The following ADAM9 variants were observed in gnomAD, a reference collection of about 807,000 sequenced individuals.
ADAM9 encodes disintegrin and metalloproteinase domain-containing protein 9.
In ADAM9, 54 loss-of-function variants were observed where a neutral mutation model predicts 108.1. The observed-to-expected ratio is 0.50, with a 90% CI of 0.40 to 0.63. The LOEUF (loss-of-function observed/expected upper bound fraction) is 0.63, where lower values mean the gene tolerates loss of function less well. Among genes scored for constraint, ADAM9 ranks in the 20% least tolerant of loss-of-function variants. The pLI is 0.00. For synonymous variants in ADAM9, 316 were observed against 336.0 expected (o/e 0.94, Z 0.65); for missense variants, 830 against 997.7 (o/e 0.83, Z 2.26).
At chr8:39,065,906 C>G (rs1838453746) in intron 14 of ADAM9, among the ~76,000 whole-genome samples, 1 of 152,104 alleles carries the variant, frequency 6.6e-6, no homozygotes, top group African/African-American at 2.4e-5. Flanking sequence ...TCCCACTCCC[C>G]CCACCCCATG....
At chr8:39,038,491 T>G (rs1282371353) in intron 11 of ADAM9, among the ~76,000 whole-genome samples, 2 of 152,190 alleles carry the variant, frequency 1.3e-5, no homozygotes. Flanking sequence ...CATCCCTTCC[T>G]CTGCAGAGCT....
At chr8:39,067,777 G>C (rs892455611) in intron 14 of ADAM9, among the ~76,000 whole-genome samples, 1 of 152,090 alleles carries the variant, frequency 6.6e-6, no homozygotes, top group Non-Finnish European at 1.5e-5. Flanking sequence ...ACTTCCAACA[G>C]TATGTTGAAT....
intron 20 of ADAM9, among the ~76,000 whole-genome samples, chr8:39,092,080 G>T (rs1009296185): frequency 2.0e-5 from 3 of 152,092 alleles, no homozygotes; most frequent in Non-Finnish European, 2.9e-5. Context: ...TTTAGATCAT[G>T]ATATACTTTT....
At chr8:39,012,268 C>T (rs944917094) in intron 3 of ADAM9, among the ~76,000 whole-genome samples, 1 of 152,186 alleles carries the variant, frequency 6.6e-6, no homozygotes, top group African/African-American at 2.4e-5. Flanking sequence ...ATCTTTCCTA[C>T]TTTGCTGATC....
At chr8:39,076,342 T>C (rs148168528) in intron 15 of ADAM9, 3 of 152,316 alleles carry the variant, frequency 2.0e-5, no homozygotes, top group East Asian at 3.9e-4. Flanking sequence ...GGAAAAGATA[T>C]CTGTGTAGTC....
intron 11 of ADAM9, among the ~76,000 whole-genome samples, chr8:39,035,836 C>CA (rs1264932565): frequency 6.6e-6 from 1 of 151,434 alleles, no homozygotes; most frequent in African/African-American, 2.4e-5. Flanking sequence ...CAAAACAAAA[C>CA]AAAACAAAAA....
rs1055435283 is a variant in ADAM9, at chr8:39,104,530, A to G, written c.*830A>G. 4 of 387,290 alleles carry G rather than the reference A, an allele frequency of 1.0e-5. No individual in the cohort carries two copies. The Admixed American group carries it at 1.4e-4, about 13-fold the overall frequency. The allele number at this position is 387,290 out of a possible 1,614,324, so 24.0% of individuals were successfully genotyped here. A position where few individuals can be genotyped will look rare whatever the true frequency, so the allele number is the denominator to read the frequency against. On this transcript the variant is annotated 3_prime_UTR_variant, in exon 22 of 22. Transcript: ENST00000487273. ...TCAAATATGTTGATTCATGGCTATA[A>G]TAAAGCAGGAGCAATTATAAAATCT...
chr8:39,068,443 G>T (rs148515900), intron 14 of ADAM9, among the ~76,000 whole-genome samples: 128 of 152,080 alleles, frequency 8.4e-4, no homozygotes, highest in African/African-American at 3.0e-3. Flanking sequence ...GGGAGGCCGA[G>T]GCATGTGGAT....
chr8:39,050,841 T>G (rs921701563), intron 12 of ADAM9, among the ~76,000 whole-genome samples: 6 of 150,190 alleles, frequency 4.0e-5, no homozygotes, highest in Admixed American at 1.3e-4. Context: ...TTTTTTTTTT[T>G]TTTTTTTTTT....
At chr8:39,032,241 C>G (rs1288728969) in intron 11 of ADAM9, among the ~76,000 whole-genome samples, 1 of 152,258 alleles carries the variant, frequency 6.6e-6, no homozygotes, top group African/African-American at 2.4e-5. Flanking sequence ...GCAGAAGATT[C>G]TCTTGCCTTT....
chr8:39,045,120 G>A (rs199673174), intron 12 of ADAM9, among the ~76,000 whole-genome samples: 15 of 76,286 alleles, frequency 2.0e-4, no homozygotes, highest in African/African-American at 8.5e-4. Flanking sequence ...ATACATATGT[G>A]TGTGTGCATA....
chr8:39,045,113 C>CCT (rs1554578864), intron 12 of ADAM9, among the ~76,000 whole-genome samples: 3 of 14,694 alleles, frequency 2.0e-4, no homozygotes, highest in African/African-American at 1.4e-3. Flanking sequence ...TGCATACATA[C>CCT]ATATGTGTGT....
chr8:39,047,467 A>T (rs1033756686), intron 12 of ADAM9, among the ~76,000 whole-genome samples: 5 of 151,400 alleles, frequency 3.3e-5, no homozygotes, highest in Non-Finnish European at 7.4e-5. Context: ...TTACTGATTC[A>T]TATCCTTACT....
Position 39,103,742 on chromosome 8 carries a change from G to C in ADAM9, c.*42G>C, listed in dbSNP as rs1449052932. 3.2e-6 allele frequency: 5 copies of C among 1,569,446 alleles called. No homozygotes were observed. On this transcript the variant is annotated 3_prime_UTR_variant, in exon 22 of 22. Transcript: ENST00000487273. ...TTTGCAAATGTCTTCAGGGAACTGA[G>C]CTAATACTTTTTTTTTTTCTTGATG... is the stretch of plus-strand genomic sequence containing the variant.
intron 8 of ADAM9, among the ~76,000 whole-genome samples, chr8:39,022,064 TTGTGTGTGTGTGTGTG>T (rs552684363): frequency 1.4e-5 from 2 of 141,572 alleles, no homozygotes; most frequent in East Asian, 4.1e-4. Context: ...ATGACAATAT[TTGTGTGTGTGTGTGTG>T]TGTGTGTGTG....
At chr8:39,068,111 C>G (rs1838547959) in intron 14 of ADAM9, among the ~76,000 whole-genome samples, 2 of 152,044 alleles carry the variant, frequency 1.3e-5, no homozygotes, top group South Asian at 4.2e-4. Flanking sequence ...TTTCATATTA[C>G]CTTTTTTCTT....
chr8:39,017,308 A>G lies in ADAM9; in HGVS notation c.500A>G (p.Asp167Gly), dbSNP rs1300065601. ...HFEHIIYRMD[D>G]VYKEPLKCGV... Reference sequence around the variant, plus strand: ...GAGCACATCATTTATCGAATGGATGATGTCTACAAAGAGCCTCTGAAATGT... The same window carrying G: ...GAGCACATCATTTATCGAATGGATGGTGTCTACAAAGAGCCTCTGAAATGT... The change falls in exon 6 of 22, where the codon GAT (aspartate) becomes GGT (glycine). Residue 167 changes from aspartate to glycine, a missense_variant. Asp to Gly is a moderately conservative substitution (Grantham distance 94, BLOSUM62 -1). Coordinates refer to ENST00000487273, the MANE Select transcript of ADAM9 (RefSeq NM_003816.3). 4.3e-6 allele frequency: 7 copies of G among 1,614,054 alleles called. No homozygotes were observed. Among genetic ancestry groups the G allele is most frequent in the Non-Finnish European group, 4.2e-6 (5 of 1,180,038 alleles).
chr8:39,032,555 A>G (rs892183670), intron 11 of ADAM9, among the ~76,000 whole-genome samples: 2 of 152,312 alleles, frequency 1.3e-5, no homozygotes, highest in East Asian at 1.9e-4. Flanking sequence ...GGTTGTCCCA[A>G]TTTTCCAGGT....
chr8:39,016,858 G>A (rs1172485718), intron 5 of ADAM9, among the ~76,000 whole-genome samples: 2 of 152,118 alleles, frequency 1.3e-5, no homozygotes, highest in African/African-American at 4.8e-5. Context: ...GCAAACCAAG[G>A]CAGAGGTTAA....
Sources: gnomAD v4.1 joint callset for allele counts (sites outside exome capture counted in the v4.1 genomes callset) on GRCh38, gnomAD v4.1.1 for gene constraint, MANE v1.5 for transcripts, NCBI Gene and HGNC (gene_info 2026-07-23, HGNC 2026-07-21) for gene names.